The following PIK3C2G variants were observed in gnomAD, a reference collection of about 807,000 sequenced individuals.
The protein encoded by PIK3C2G is phosphatidylinositol-4-phosphate 3-kinase catalytic subunit type 2 gamma.
A neutral mutation model predicts 181.1 loss-of-function variants in PIK3C2G; 168 were observed. The observed-to-expected ratio is 0.93, with a 90% CI of 0.82 to 1.05. The LOEUF is 1.05. Ranked by LOEUF, PIK3C2G falls within the 50% of genes least tolerant of loss-of-function variation. The pLI is 0.00. For missense variants in PIK3C2G, 1,869 were observed against 1,732.8 expected (o/e 1.08, Z -1.40); for synonymous variants, 573 against 592.2 (o/e 0.97, Z 0.47).
intron 13 of PIK3C2G, among the ~76,000 whole-genome samples, chr12:18,373,724 G>A (rs1332215610): frequency 6.6e-6 from 1 of 152,054 alleles, no homozygotes; most frequent in Non-Finnish European, 1.5e-5. Context: ...GTGGTGGCAG[G>A]TGCCTGTAGT....
Position 18,340,024 on chromosome 12 carries a change from T to G in PIK3C2G, c.1395+1476T>G, listed in dbSNP as rs530320057. On this transcript the variant is annotated intron_variant, in intron 9 of 32. Transcript: ENST00000538779. ...CACCTTCTCTTTTACTTTCCAATTA[T>G]AGAAGGAAATGGAATAACTATGTAG... 5.9e-5 allele frequency among the ~76,000 whole-genome samples: 9 copies of G among 152,272 alleles called. No individual in the cohort carries two copies. In the South Asian group the frequency reaches 1.2e-3, roughly 21 times the overall value.
chr12:18,409,010 A>G (rs1275676164), intron 16 of PIK3C2G, among the ~76,000 whole-genome samples: 1 of 152,182 alleles, frequency 6.6e-6, no homozygotes, highest in Non-Finnish European at 1.5e-5. Flanking sequence ...AGGATCTAGA[A>G]CTAGAAATAC....
chr12:18,311,679 T>C lies in PIK3C2G; in HGVS notation c.1035-2283T>C, dbSNP rs144225559. Among the ~76,000 whole-genome samples the C allele has an allele frequency of 3.3e-3, 499 of 152,126 alleles. 1 individual carries two copies. The highest frequency in any genetic ancestry group is 0.011 in the African/African-American group (475 of 41,516). On this transcript the variant is annotated intron_variant, in intron 5 of 32. Coordinates refer to ENST00000538779, the MANE Select transcript of PIK3C2G (RefSeq NM_001288772.2). ...CTACATGAAATATATACTAAAAATA[T>C]TCACTCATTGTTTCTCTGTAATTTA...
At chr12:18,625,043 T>C (rs542906131) in intron 31 of PIK3C2G, among the ~76,000 whole-genome samples, 2 of 151,572 alleles carry the variant, frequency 1.3e-5, no homozygotes, top group Non-Finnish European at 3.0e-5. Flanking sequence ...TGCTCTGTTC[T>C]TTATTATTTC....
chr12:18,408,606 T>G (rs185021920), intron 16 of PIK3C2G, among the ~76,000 whole-genome samples: 1 of 152,082 alleles, frequency 6.6e-6, no homozygotes, highest in East Asian at 1.9e-4. Flanking sequence ...AAGAAACTAT[T>G]ATCAGAGTGA....
chr12:18,621,901 T>C (rs1948881710), intron 31 of PIK3C2G, among the ~76,000 whole-genome samples: 1 of 151,712 alleles, frequency 6.6e-6, no homozygotes, highest in Non-Finnish European at 1.5e-5. Context: ...GTTGGAAAGA[T>C]TATTCTACCA....
At chr12:18,409,281 G>A (rs1273065287) in intron 16 of PIK3C2G, among the ~76,000 whole-genome samples, 1 of 152,116 alleles carries the variant, frequency 6.6e-6, no homozygotes, top group Non-Finnish European at 1.5e-5. Context: ...ATCATTCTCA[G>A]CAAACTAACA....
chr12:18,325,940 G>T (rs1425539641), intron 8 of PIK3C2G, among the ~76,000 whole-genome samples: 1 of 152,118 alleles, frequency 6.6e-6, no homozygotes, highest in Non-Finnish European at 1.5e-5. Context: ...CCATTAGGCA[G>T]AGTAGTAGAA....
intron 19 of PIK3C2G, among the ~76,000 whole-genome samples, chr12:18,490,101 G>A (rs933232676): frequency 1.3e-5 from 2 of 152,096 alleles, no homozygotes; most frequent in South Asian, 2.1e-4. Context: ...CACTAATTAA[G>A]CATAACTATA....
At chr12:18,334,929 A>G (rs1227315470) in intron 8 of PIK3C2G, among the ~76,000 whole-genome samples, 1 of 152,082 alleles carries the variant, frequency 6.6e-6, no homozygotes, top group African/African-American at 2.4e-5. Context: ...TGTTTATACA[A>G]TTGTGCATTT....
intron 1 of PIK3C2G, among the ~76,000 whole-genome samples, chr12:18,254,735 C>A (rs1048288985): frequency 1.3e-5 from 2 of 151,834 alleles, no homozygotes; most frequent in Non-Finnish European, 2.9e-5. Flanking sequence ...TCCAGCTACT[C>A]CAGCTACTCG....
intron 31 of PIK3C2G, among the ~76,000 whole-genome samples, chr12:18,616,361 T>C (rs941493432): frequency 2.0e-5 from 3 of 152,126 alleles, no homozygotes; most frequent in African/African-American, 4.8e-5. Context: ...TGCTTAAGTG[T>C]ACATCATGTG....
intron 26 of PIK3C2G, among the ~76,000 whole-genome samples, chr12:18,548,070 G>A (rs555399214): frequency 2.1e-4 from 32 of 152,036 alleles, no homozygotes; most frequent in South Asian, 1.0e-3. Flanking sequence ...TGTTTAACCC[G>A]AGTACAAAAC....
intron 18 of PIK3C2G, among the ~76,000 whole-genome samples, chr12:18,427,500 TAAA>T (rs59178829): frequency 1.7e-5 from 2 of 114,842 alleles, no homozygotes. Context: ...GAGACTCCAT[TAAA>T]AAAAAAAAAA....
chr12:18,619,813 C>T (rs1239694262), intron 31 of PIK3C2G, among the ~76,000 whole-genome samples: 3 of 151,540 alleles, frequency 2.0e-5, no homozygotes, highest in East Asian at 1.9e-4. Context: ...CAAGCTCCGC[C>T]TCCCGGGTTC....
At chr12:18,678,004 G>A in the PIK3C2G span, among the ~76,000 whole-genome samples, 13 of 152,082 alleles carry the variant, frequency 8.5e-5, no homozygotes, top group Admixed American at 7.2e-4. Context: ...TAAAGAATAT[G>A]AGAAATATAA....
At chr12:18,306,226 A>G (rs1183238696) in intron 5 of PIK3C2G, among the ~76,000 whole-genome samples, 1 of 151,990 alleles carries the variant, frequency 6.6e-6, no homozygotes, top group East Asian at 1.9e-4. Context: ...AGGGCATTTG[A>G]ATAGAAAGTT....
At chr12:18,421,090 A>C in intron 17 of PIK3C2G, 56 bp downstream of exon 17, 3 of 976,934 alleles carry the variant, frequency 3.1e-6, no homozygotes, top group Non-Finnish European at 4.9e-6. Context: ...TATCTCTAAA[A>C]GGTTCCTAAT....
chr12:18,426,118 T>C (rs1945797693), intron 18 of PIK3C2G, among the ~76,000 whole-genome samples: 1 of 152,236 alleles, frequency 6.6e-6, no homozygotes, highest in South Asian at 2.1e-4. Flanking sequence ...TATCATATTA[T>C]TCATAGATGC....
Sources: allele counts gnomAD v4.1 joint callset (sites outside exome capture counted in the v4.1 genomes callset), GRCh38; gene constraint gnomAD v4.1.1; transcripts MANE v1.5; gene names NCBI Gene and HGNC (gene_info 2026-07-23, HGNC 2026-07-21).